GULP1: variants seen among roughly 807,000 people sequenced by gnomAD.
The protein encoded by GULP1 is GULP PTB domain containing engulfment adaptor 1, also known as PTB domain-containing engulfment adapter protein 1.
GULP1 carries 19 observed loss-of-function variants against 40.9 expected under a neutral mutation model. The observed-to-expected ratio is 0.46, with a 90% CI of 0.32 to 0.68. The LOEUF (loss-of-function observed/expected upper bound fraction) is 0.68. GULP1 is among the 30% of genes least tolerant of loss of function. The pLI is 0.03. For missense variants in GULP1, 312 were observed against 362.2 expected (o/e 0.86, Z 1.12); for synonymous variants, 119 against 117.6 (o/e 1.01, Z -0.08).
intron 1 of GULP1, among the ~76,000 whole-genome samples, chr2:188,306,115 G>A (rs1446907088): frequency 6.6e-6 from 1 of 151,978 alleles, no homozygotes; most frequent in Non-Finnish European, 1.5e-5. Context: ...CCTTGGTTTT[G>A]TCAAATGATA....
chr2:188,500,981 T>C (rs749085965), intron 4 of GULP1, among the ~76,000 whole-genome samples: 1 of 151,954 alleles, frequency 6.6e-6, no homozygotes, highest in Non-Finnish European at 1.5e-5. Flanking sequence ...TTGTCAGGCA[T>C]GTATTCTGTC....
intron 2 of GULP1, among the ~76,000 whole-genome samples, chr2:188,451,772 G>GAA (rs908954445): frequency 6.8e-6 from 1 of 146,202 alleles, no homozygotes; most frequent in Admixed American, 6.8e-5. Context: ...ATTATACTAG[G>GAA]AAAATAAAAA....
intron 1 of GULP1, among the ~76,000 whole-genome samples, chr2:188,376,439 AAT>A (rs1025048927): frequency 7.2e-5 from 11 of 152,198 alleles, no homozygotes; most frequent in Middle Eastern, 3.2e-3. Flanking sequence ...AACCTTTCCT[AAT>A]CTAATGATGG....
intron 1 of GULP1, among the ~76,000 whole-genome samples, chr2:188,325,972 T>TA (rs1253589184): frequency 6.6e-6 from 1 of 152,162 alleles, no homozygotes; most frequent in Non-Finnish European, 1.5e-5. Context: ...GTAGCAGTAA[T>TA]ATATTTTCCG....
At chr2:188,488,592 G>A (rs766419227) in intron 4 of GULP1, among the ~76,000 whole-genome samples, 23 of 152,092 alleles carry the variant, frequency 1.5e-4, no homozygotes, top group Admixed American at 1.3e-4. Context: ...CTTAGAATGT[G>A]TATCAGGTAT....
intron 1 of GULP1, among the ~76,000 whole-genome samples, chr2:188,350,336 G>T (rs915905679): frequency 1.3e-4 from 20 of 151,972 alleles, no homozygotes; most frequent in Non-Finnish European, 5.9e-5. Context: ...TAAGCCTAGG[G>T]TATATTTGCC....
intron 2 of GULP1, among the ~76,000 whole-genome samples, chr2:188,446,522 G>T (rs1432704972): frequency 2.0e-5 from 3 of 152,086 alleles, no homozygotes; most frequent in African/African-American, 7.2e-5. Context: ...TAACTTCTTA[G>T]ACTCTGAGTT....
At chr2:188,351,534 C>T (rs1345672260) in intron 1 of GULP1, among the ~76,000 whole-genome samples, 2 of 152,072 alleles carry the variant, frequency 1.3e-5, no homozygotes, top group Non-Finnish European at 2.9e-5. Flanking sequence ...AAATTTTTCA[C>T]TGAAGTGCAC....
At chr2:188,399,462 G>A (rs1183489332) in intron 2 of GULP1, among the ~76,000 whole-genome samples, 1 of 151,924 alleles carries the variant, frequency 6.6e-6, no homozygotes, top group Non-Finnish European at 1.5e-5. Flanking sequence ...GGTCCCAAAG[G>A]CAACTTTAAA....
intron 4 of GULP1, among the ~76,000 whole-genome samples, chr2:188,509,440 G>A (rs2064276053): frequency 5.3e-5 from 8 of 152,054 alleles, no homozygotes; most frequent in Admixed American, 5.2e-4. Context: ...TTGACAGAAA[G>A]TTTGTTAAAA....
At chr2:188,361,469 G>T (rs1279407007) in intron 1 of GULP1, among the ~76,000 whole-genome samples, 1 of 152,052 alleles carries the variant, frequency 6.6e-6, no homozygotes, top group South Asian at 2.1e-4. Flanking sequence ...AGATCTATAG[G>T]TCTGTAAGTG....
chr2:188,552,766 T>G (rs373230850), intron 7 of GULP1, among the ~76,000 whole-genome samples: 1 of 151,602 alleles, frequency 6.6e-6, no homozygotes, highest in Non-Finnish European at 1.5e-5. Context: ...TTTTTCTATT[T>G]GTTTGTGTCA....
At chr2:188,346,717 C>A (rs2043715679) in intron 1 of GULP1, among the ~76,000 whole-genome samples, 1 of 151,516 alleles carries the variant, frequency 6.6e-6, no homozygotes, top group Admixed American at 6.6e-5. Flanking sequence ...AATTGTTTTA[C>A]TTCCCAGCAC....
chr2:188,439,799 T>C (rs1575259145), intron 2 of GULP1, among the ~76,000 whole-genome samples: 1 of 151,958 alleles, frequency 6.6e-6, no homozygotes, highest in African/African-American at 2.4e-5. Context: ...ATGAAAAAAA[T>C]CAAAATGGGA....
intron 2 of GULP1, among the ~76,000 whole-genome samples, chr2:188,462,446 C>T (rs905491180): frequency 3.9e-5 from 6 of 152,014 alleles, no homozygotes; most frequent in Admixed American, 1.3e-4. Flanking sequence ...TCCATTTGGC[C>T]GAGAGTGCAG....
At chr2:188,335,007 G>A (rs2152087373) in intron 1 of GULP1, among the ~76,000 whole-genome samples, 1 of 152,268 alleles carries the variant, frequency 6.6e-6, no homozygotes. Context: ...CACAGAGAAA[G>A]ATATACGGAA....
intron 1 of GULP1, among the ~76,000 whole-genome samples, chr2:188,301,699 G>A (rs1292636009): frequency 6.6e-6 from 1 of 152,160 alleles, no homozygotes; most frequent in African/African-American, 2.4e-5. Flanking sequence ...GAAATGAGAG[G>A]ACTAAGGGGA....
intron 1 of GULP1, among the ~76,000 whole-genome samples, chr2:188,375,869 T>C (rs2048228547): frequency 6.6e-6 from 1 of 152,122 alleles, no homozygotes; most frequent in Admixed American, 6.5e-5. Context: ...TTTACAGATA[T>C]GTTCACTCCC....
In GULP1 at chr2:188,340,854, C is replaced by T. The variant is rs114030966; in HGVS notation, c.-171-42909C>T. Among the ~76,000 whole-genome samples, 941 of 152,100 alleles carry T rather than the reference C, an allele frequency of 6.2e-3. 3 individuals are homozygous for T. The highest frequency in any genetic ancestry group is 9.7e-3 in the Non-Finnish European group (661 of 67,998). ...GGAGGGAGCGGGAAAGTATTCTTCC[C>T]GTGAAGAACAGTCATTTCTGGCTGG... On this transcript the variant is annotated intron_variant, in intron 1 of 11. Coordinates refer to ENST00000409830, the MANE Select transcript of GULP1 (RefSeq NM_016315.4).
Sources: gnomAD v4.1 joint callset for allele counts (sites outside exome capture counted in the v4.1 genomes callset) on GRCh38, gnomAD v4.1.1 for gene constraint, MANE v1.5 for transcripts, NCBI Gene and HGNC (gene_info 2026-07-23, HGNC 2026-07-21) for gene names.